The following ZNF385B variants were observed in gnomAD, a reference collection of about 807,000 sequenced individuals.
The protein encoded by ZNF385B is zinc finger protein 385B.
In ZNF385B, 23 loss-of-function variants were observed where a neutral mutation model predicts 39.2. The observed-to-expected ratio is 0.59, with a 90% confidence interval of 0.42 to 0.83. The LOEUF (loss-of-function observed/expected upper bound fraction) is 0.83, where lower values mean the gene tolerates loss of function less well. Among genes scored for constraint, ZNF385B ranks in the 40% least tolerant of loss-of-function variants. The pLI is 0.00. For missense variants in ZNF385B, 552 were observed against 598.9 expected (o/e 0.92, Z 0.82); for synonymous variants, 205 against 222.6 (o/e 0.92, Z 0.70).
chr2:179,773,288 T>C (rs1202299295), intron 1 of ZNF385B, among the ~76,000 whole-genome samples: 3 of 152,198 alleles, frequency 2.0e-5, no homozygotes, highest in Admixed American at 6.5e-5. Context: ...AGAAACTGCC[T>C]CCCTTCTATG....
chr2:179,456,601 T>C (rs2050732728), intron 6 of ZNF385B, among the ~76,000 whole-genome samples: 1 of 152,206 alleles, frequency 6.6e-6, no homozygotes, highest in Non-Finnish European at 1.5e-5. Flanking sequence ...ACTTCCTTTA[T>C]ACAAACCTAA....
intron 1 of ZNF385B, among the ~76,000 whole-genome samples, chr2:179,828,253 T>C (rs1707787049): frequency 6.6e-6 from 1 of 152,166 alleles, no homozygotes. Flanking sequence ...TCAATACTTT[T>C]AGACAGAGGG....
At chr2:179,753,110 A>G (rs1702782663) in intron 3 of ZNF385B, among the ~76,000 whole-genome samples, 1 of 152,150 alleles carries the variant, frequency 6.6e-6, no homozygotes, top group Non-Finnish European at 1.5e-5. Context: ...TAATTTTTGT[A>G]TAAGGTGTAA....
chr2:179,557,194 T>G (rs1265752742), intron 3 of ZNF385B, among the ~76,000 whole-genome samples: 3 of 149,462 alleles, frequency 2.0e-5, no homozygotes, highest in Non-Finnish European at 4.4e-5. Context: ...CTGTTTTGAA[T>G]ATTTAAGTCT....
chr2:179,672,617 T>A (rs11889789), intron 3 of ZNF385B, among the ~76,000 whole-genome samples: 44,450 of 151,946 alleles, frequency 0.29, 8,324 homozygotes, highest in African/African-American at 0.53. Flanking sequence ...TTGGGAGACA[T>A]CTGGGAGTAG....
At chr2:179,572,697 G>C (rs1427059587) in intron 3 of ZNF385B, among the ~76,000 whole-genome samples, 1 of 152,046 alleles carries the variant, frequency 6.6e-6, no homozygotes, top group East Asian at 1.9e-4. Flanking sequence ...CAGTTTGGAG[G>C]GAAATGTCAT....
chr2:179,471,938 C>T (rs2052815889), intron 6 of ZNF385B, among the ~76,000 whole-genome samples: 1 of 152,150 alleles, frequency 6.6e-6, no homozygotes, highest in East Asian at 1.9e-4. Context: ...AATACTAGTA[C>T]TTTAAGTAAT....
intron 3 of ZNF385B, among the ~76,000 whole-genome samples, chr2:179,686,151 C>A (rs896661342): frequency 6.6e-6 from 1 of 152,208 alleles, no homozygotes; most frequent in African/African-American, 2.4e-5. Flanking sequence ...ACATATTTCC[C>A]TCCCTTTACT....
intron 1 of ZNF385B, among the ~76,000 whole-genome samples, chr2:179,781,515 C>T (rs1028111952): frequency 6.6e-6 from 1 of 151,830 alleles, no homozygotes; most frequent in South Asian, 2.1e-4. Flanking sequence ...GATTGCAAAT[C>T]TAAATGTTAA....
At chr2:179,458,182 T>C (rs2050909537) in intron 6 of ZNF385B, among the ~76,000 whole-genome samples, 1 of 152,152 alleles carries the variant, frequency 6.6e-6, no homozygotes, top group Non-Finnish European at 1.5e-5. Context: ...TGAATTCCCA[T>C]GTGTTGTGGG....
At chr2:179,710,882 C>T (rs1288357156) in intron 3 of ZNF385B, among the ~76,000 whole-genome samples, 1 of 152,194 alleles carries the variant, frequency 6.6e-6, no homozygotes, top group African/African-American at 2.4e-5. Flanking sequence ...CCTGGAGCCA[C>T]TTCTGTACTT....
chr2:179,850,246 A>C (rs1395235605), intron 1 of ZNF385B, among the ~76,000 whole-genome samples: 1 of 152,162 alleles, frequency 6.6e-6, no homozygotes. Flanking sequence ...TTATTTTATT[A>C]ATAATGCCAA....
intron 6 of ZNF385B, among the ~76,000 whole-genome samples, chr2:179,466,915 CAAAAAAAAAAAAA>C (rs777679885): frequency 7.4e-4 from 20 of 26,938 alleles, no homozygotes; most frequent in African/African-American, 1.8e-3. Context: ...GCAAGACTGT[CAAAAAAAAAAAAA>C]AAAAAAAAAA....
intron 3 of ZNF385B, among the ~76,000 whole-genome samples, chr2:179,590,889 T>C (rs1167640387): frequency 6.6e-6 from 1 of 152,168 alleles, no homozygotes; most frequent in Non-Finnish European, 1.5e-5. Context: ...ACTGAGTCAA[T>C]TAAAACTCTT....
At chr2:179,513,130 C>T (rs1405298633) in intron 5 of ZNF385B, among the ~76,000 whole-genome samples, 1 of 152,140 alleles carries the variant, frequency 6.6e-6, no homozygotes, top group African/African-American at 2.4e-5. Flanking sequence ...AAGCCAATTT[C>T]AGTTTCAGGC....
intron 6 of ZNF385B, among the ~76,000 whole-genome samples, chr2:179,451,102 A>G (rs10203295): frequency 0.72 from 79,979 of 110,386 alleles, 27,854 homozygotes; most frequent in East Asian, 0.94. Context: ...GACTGTTGTG[A>G]GGTGGGGGGA....
chr2:179,634,251 T>A (rs1298813523), intron 3 of ZNF385B, among the ~76,000 whole-genome samples: 1 of 152,046 alleles, frequency 6.6e-6, no homozygotes, highest in Non-Finnish European at 1.5e-5. Context: ...GAAACTACTA[T>A]CAGAGTGATC....
Position 179,518,532 on chromosome 2 carries a change from G to A in ZNF385B, c.548C>T (p.Ser183Leu). 1 of 1,597,004 alleles carries A rather than the reference G, an allele frequency of 6.3e-7. No individual in the cohort carries two copies. The highest frequency in any genetic ancestry group is 8.5e-7 in the Non-Finnish European group (1 of 1,170,690). Reference sequence around the variant, plus strand: ...TAATGAAAAGGTGATACTCACATCTGAGTTAAAGCGAAGCTGACAGACATT... The same window carrying A: ...TAATGAAAAGGTGATACTCACATCTAAGTTAAAGCGAAGCTGACAGACATT... Reference protein sequence around the residue: ...SCNVCQLRFNSDSQAEAHYKG... With the variant: ...SCNVCQLRFNLDSQAEAHYKG... The change falls in exon 5 of 10, where the codon TCA becomes TTA. Residue 183 changes from serine (S) to leucine (L), a missense_variant. By Grantham distance (145) the Ser-to-Leu change is moderately radical. Transcript: ENST00000410066.
chr2:179,688,817 C>A lies in ZNF385B; in HGVS notation c.298+80686G>T, dbSNP rs376012415. ...TTGTATACTTTGACCAACATCTTCC[C>A]AACCCCTACCAATTGCCCTAGACCC... On this transcript the variant is annotated intron_variant, in intron 3 of 9. Transcript: ENST00000410066. Among the ~76,000 whole-genome samples the A allele has an allele frequency of 2.0e-4, 30 of 152,286 alleles. No individual in the cohort carries two copies. The South Asian group carries it at 6.2e-3, about 32-fold the overall frequency.
Sources: gnomAD v4.1 joint callset for allele counts (sites outside exome capture counted in the v4.1 genomes callset) on GRCh38, gnomAD v4.1.1 for gene constraint, MANE v1.5 for transcripts, NCBI Gene and HGNC (gene_info 2026-07-23, HGNC 2026-07-21) for gene names.